CYP4Z1: variants seen among roughly 807,000 people sequenced by gnomAD.
CYP4Z1 encodes cytochrome P450 4Z1.
In CYP4Z1, 41 loss-of-function variants were observed where a neutral mutation model predicts 54.2. The ratio of observed to expected loss-of-function variants is 0.76; its 90% CI spans 0.59 to 0.98. CYP4Z1 has a LOEUF of 0.98. CYP4Z1 is among the 50% of genes least tolerant of loss of function. The probability of loss-of-function intolerance (pLI) is 0.00; values close to 1 mark genes in which losing one functional copy is unlikely to be tolerated. For missense variants in CYP4Z1, 513 were observed against 599.0 expected (o/e 0.86, Z 1.50); for synonymous variants, 163 against 206.2 (o/e 0.79, Z 1.79).
the CYP4Z1 span, among the ~76,000 whole-genome samples, chr1:47,060,791 C>A: frequency 6.6e-6 from 1 of 152,100 alleles, no homozygotes; most frequent in South Asian, 2.1e-4. Flanking sequence ...TTAAATCAGC[C>A]ACATAATAGA....
intron 6 of CYP4Z1, among the ~76,000 whole-genome samples, chr1:47,086,988 A>G (rs1251503054): frequency 6.6e-6 from 1 of 152,158 alleles, no homozygotes; most frequent in Non-Finnish European, 1.5e-5. Context: ...AGGTTTGTCA[A>G]ATATCAGATG....
intron 6 of CYP4Z1, among the ~76,000 whole-genome samples, chr1:47,091,553 C>G (rs1364346835): frequency 1.3e-5 from 2 of 149,316 alleles, no homozygotes; most frequent in South Asian, 2.2e-4. Flanking sequence ...TTCAAGTGCT[C>G]TTGTAAGAGC....
At chr1:47,116,848 C>A in intron 11 of CYP4Z1, 116 bp downstream of exon 11, 1 of 733,224 alleles carries the variant, frequency 1.4e-6, no homozygotes, top group Non-Finnish European at 2.2e-6. Flanking sequence ...CATTATTTTA[C>A]CTGGCTTGTC....
At chr1:47,088,190 C>T (rs1183023320) in intron 6 of CYP4Z1, among the ~76,000 whole-genome samples, 1 of 152,162 alleles carries the variant, frequency 6.6e-6, no homozygotes, top group Non-Finnish European at 1.5e-5. Flanking sequence ...GCTTTGGTAT[C>T]AGGATGATGC....
chr1:47,069,354 C>T (rs1030498017), intron 2 of CYP4Z1, among the ~76,000 whole-genome samples: 2 of 152,238 alleles, frequency 1.3e-5, no homozygotes, highest in African/African-American at 4.8e-5. Flanking sequence ...GGCTGGCCTT[C>T]GCCTCACTCT....
chr1:47,115,477 AAGAC>A (rs993474216), intron 9 of CYP4Z1, 48 bp from the exon 10 acceptor site: 12 of 1,529,296 alleles, frequency 7.8e-6, no homozygotes, highest in Non-Finnish European at 1.1e-5. Flanking sequence ...GAAAAAAAAA[AAGAC>A]AGAATCTTCG....
At chr1:47,088,567 A>G (rs1278614045) in intron 6 of CYP4Z1, among the ~76,000 whole-genome samples, 1 of 148,078 alleles carries the variant, frequency 6.8e-6, no homozygotes, top group South Asian at 2.1e-4. Context: ...TTTTTCGTCT[A>G]TTTGATTCTT....
intron 10 of CYP4Z1, 95 bp downstream of exon 10, chr1:47,115,688 T>A: frequency 8.3e-7 from 1 of 1,205,604 alleles, no homozygotes; most frequent in South Asian, 1.3e-5. Context: ...AGGATAACGA[T>A]CTGTCATTTA....
intron 2 of CYP4Z1, among the ~76,000 whole-genome samples, chr1:47,073,582 T>C (rs894165966): frequency 6.6e-6 from 1 of 151,074 alleles, no homozygotes; most frequent in East Asian, 1.9e-4. Context: ...TGACAAGTAA[T>C]CCACCCGCCT....
the CYP4Z1 span, among the ~76,000 whole-genome samples, chr1:47,058,902 T>C: frequency 3.9e-5 from 6 of 152,322 alleles, no homozygotes; most frequent in Non-Finnish European, 8.8e-5. Flanking sequence ...AATATCATTA[T>C]TTATCTTTCA....
chr1:47,056,274 G>C, the CYP4Z1 span, among the ~76,000 whole-genome samples: 1 of 152,108 alleles, frequency 6.6e-6, no homozygotes, highest in Non-Finnish European at 1.5e-5. Flanking sequence ...ATTGCAGTGT[G>C]GTCTGAGAGA....
chr1:47,115,671 A>G lies in CYP4Z1; in HGVS notation c.1266+78A>G, dbSNP rs1644825170. 4 of 1,327,312 alleles carry G rather than the reference A, an allele frequency of 3.0e-6. No homozygotes were observed. The Admixed American group carries it at 5.8e-5, about 19-fold the overall frequency. 82.2% of individuals were successfully genotyped at this position (1,327,312 alleles called of 1,614,324 possible). On this transcript the variant is annotated intron_variant, in intron 10 of 11. Coordinates refer to ENST00000334194, the MANE Select transcript of CYP4Z1 (RefSeq NM_178134.3). ...AGAGAAGCATCTTCACAGTTGAGAGAGCAGTTAGGATAACGATCTGTCATT... is the reference window on the plus strand; with the variant it reads ...AGAGAAGCATCTTCACAGTTGAGAGGGCAGTTAGGATAACGATCTGTCATT...
chr1:47,112,787 A>T (rs1355692650), intron 9 of CYP4Z1, among the ~76,000 whole-genome samples: 3 of 152,296 alleles, frequency 2.0e-5, no homozygotes, highest in East Asian at 1.9e-4. Context: ...AGTAGGTCAT[A>T]TTCCAAAACT....
intron 9 of CYP4Z1, among the ~76,000 whole-genome samples, chr1:47,111,267 T>G (rs570318874): frequency 6.6e-5 from 10 of 152,068 alleles, no homozygotes; most frequent in African/African-American, 2.2e-4. Flanking sequence ...CCCTGCAAAC[T>G]CTGCCTCCCA....
At chr1:47,111,061 A>G (rs1455951962) in intron 9 of CYP4Z1, among the ~76,000 whole-genome samples, 1 of 152,100 alleles carries the variant, frequency 6.6e-6, no homozygotes, top group African/African-American at 2.4e-5. Flanking sequence ...TACCTCAGTC[A>G]GTAAGCTAGC....
the CYP4Z1 span, among the ~76,000 whole-genome samples, chr1:47,061,734 G>T: frequency 5.1e-4 from 77 of 152,220 alleles, no homozygotes; most frequent in South Asian, 5.0e-3. Context: ...AACAAAAAAA[G>T]AAAACTTCAG....
intron 9 of CYP4Z1, among the ~76,000 whole-genome samples, chr1:47,110,966 A>G (rs1644788515): frequency 6.6e-6 from 1 of 151,626 alleles, no homozygotes. Context: ...TGACCTGGCC[A>G]TTTGTTTTTT....
rs182549248 is a variant in CYP4Z1 at position 47,076,762 on chromosome 1, G to A, written c.320-3861G>A. Among the ~76,000 whole-genome samples the A allele has an allele frequency of 4.8e-3, 704 of 147,292 alleles. 9 individuals are homozygous for A. Among genetic ancestry groups the A allele is most frequent in the African/African-American group, 0.017 (659 of 39,528 alleles). On this transcript the variant is annotated intron_variant, in intron 2 of 11. Coordinates refer to ENST00000334194, the MANE Select transcript of CYP4Z1 (RefSeq NM_178134.3). ...TGAGAGGCTGAGGCAGGAGAATGGC[G>A]TGAACCCAGGAGGCGGACCTTGCAG... is the stretch of plus-strand genomic sequence containing the variant.
intron 8 of CYP4Z1, 124 bp downstream of exon 8, chr1:47,099,408 G>T (rs761112465): frequency 1.5e-4 from 127 of 844,536 alleles, no homozygotes; most frequent in Middle Eastern, 1.4e-3. Flanking sequence ...AGGTAAGGGT[G>T]TAGGCTAGAG....
Sources: gnomAD v4.1 joint callset for allele counts (sites outside exome capture counted in the v4.1 genomes callset) on GRCh38, gnomAD v4.1.1 for gene constraint, MANE v1.5 for transcripts, NCBI Gene and HGNC (gene_info 2026-07-23, HGNC 2026-07-21) for gene names.